The following PEX5L variants were observed in gnomAD, a reference collection of about 807,000 sequenced individuals.
PEX5L encodes the protein PEX5-related protein.
PEX5L carries 30 observed loss-of-function variants against 84.0 expected under a neutral mutation model. That is an observed-to-expected ratio of 0.36 (90% CI 0.27 to 0.48). The LOEUF (loss-of-function observed/expected upper bound fraction) is 0.48. Ranked by LOEUF, PEX5L falls within the 20% of genes least tolerant of loss-of-function variation. The pLI, the probability that PEX5L is intolerant of heterozygous loss-of-function variation, is 0.99. For synonymous variants in PEX5L, 270 were observed against 283.1 expected, an observed-to-expected ratio of 0.95 and a Z score of 0.46; for missense variants, 533 against 754.6, an observed-to-expected ratio of 0.71 and a Z score of 3.44.
At chr3:180,022,637 G>A (rs1790519998) in intron 1 of PEX5L, among the ~76,000 whole-genome samples, 1 of 152,096 alleles carries the variant, frequency 6.6e-6, no homozygotes, top group South Asian at 2.1e-4. Context: ...ATTTTGAGTG[G>A]GGATATTTCA....
chr3:179,941,180 GTTTAT>G (rs1349383246), intron 2 of PEX5L, among the ~76,000 whole-genome samples: 1 of 152,160 alleles, frequency 6.6e-6, no homozygotes, highest in African/African-American at 2.4e-5. Flanking sequence ...TTTAAAATTT[GTTTAT>G]TTTATTGTGT....
chr3:179,914,466 T>A (rs932313371), intron 2 of PEX5L, among the ~76,000 whole-genome samples: 1 of 151,848 alleles, frequency 6.6e-6, no homozygotes, highest in Non-Finnish European at 1.5e-5. Context: ...AATCACCACT[T>A]TTTTTTAATG....
intron 1 of PEX5L, among the ~76,000 whole-genome samples, chr3:180,020,495 T>C (rs1347485765): frequency 6.6e-6 from 1 of 152,150 alleles, no homozygotes; most frequent in Non-Finnish European, 1.5e-5. Flanking sequence ...TAAAGTTTAG[T>C]TTAGAATAAT....
chr3:179,964,345 C>G (rs548407784), intron 2 of PEX5L, among the ~76,000 whole-genome samples: 3 of 151,978 alleles, frequency 2.0e-5, no homozygotes, highest in Non-Finnish European at 4.4e-5. Context: ...TGTAAAAACC[C>G]GGGAAGATAA....
chr3:179,893,722 A>C (rs1758311935), intron 3 of PEX5L, among the ~76,000 whole-genome samples: 1 of 152,164 alleles, frequency 6.6e-6, no homozygotes, highest in Non-Finnish European at 1.5e-5. Flanking sequence ...TGGTACTTCA[A>C]TAATAATTTT....
intron 4 of PEX5L, among the ~76,000 whole-genome samples, chr3:179,884,300 G>A (rs1277841675): frequency 1.3e-5 from 2 of 152,174 alleles, no homozygotes; most frequent in Non-Finnish European, 2.9e-5. Context: ...GATGATCCCT[G>A]TGGGCCCAAT....
chr3:179,945,918 A>G (rs966211540), intron 2 of PEX5L, among the ~76,000 whole-genome samples: 1 of 152,166 alleles, frequency 6.6e-6, no homozygotes, highest in African/African-American at 2.4e-5. Flanking sequence ...AAATGGCATG[A>G]ATGTTATTTT....
chr3:179,994,053 G>A (rs1264239794), intron 1 of PEX5L, among the ~76,000 whole-genome samples: 4 of 152,250 alleles, frequency 2.6e-5, no homozygotes, highest in African/African-American at 9.6e-5. Flanking sequence ...CTGTAAATAT[G>A]TGTAGTTCCA....
chr3:179,991,374 G>C (rs141660102), intron 1 of PEX5L, among the ~76,000 whole-genome samples: 1,658 of 152,270 alleles, frequency 0.011, 14 homozygotes, highest in Admixed American at 0.019. Context: ...TTTTATAATA[G>C]CTGGATCCTC....
At chr3:179,999,791 G>A (rs1788225039) in intron 1 of PEX5L, among the ~76,000 whole-genome samples, 1 of 152,132 alleles carries the variant, frequency 6.6e-6, no homozygotes, top group Non-Finnish European at 1.5e-5. Context: ...TGTGGCAGTG[G>A]GCTCATGCTC....
intron 1 of PEX5L, among the ~76,000 whole-genome samples, chr3:180,026,672 C>T (rs1790985119): frequency 1.3e-5 from 2 of 152,136 alleles, no homozygotes; most frequent in Admixed American, 1.3e-4. Context: ...CTAGTTCTAC[C>T]ATATTCTCTT....
chr3:179,946,730 C>T (rs1349457330), intron 2 of PEX5L, among the ~76,000 whole-genome samples: 1 of 152,164 alleles, frequency 6.6e-6, no homozygotes, highest in Non-Finnish European at 1.5e-5. Flanking sequence ...CACATTATTC[C>T]AGTGTGCATC....
chr3:179,900,843 G>A (rs985304051), intron 2 of PEX5L: 4 of 694,212 alleles, frequency 5.8e-6, no homozygotes, highest in African/African-American at 5.3e-5. Flanking sequence ...TGTTTTACAA[G>A]TGCGGTACAG....
chr3:180,034,308 A>T (rs970430188), intron 1 of PEX5L, among the ~76,000 whole-genome samples: 26 of 152,322 alleles, frequency 1.7e-4, no homozygotes, highest in African/African-American at 4.8e-4. Flanking sequence ...GCTGGCAGAA[A>T]TGTTAGTAAA....
rs190534924 is a variant in PEX5L at position 180,021,142 on chromosome 3, T to G, written c.21+15437A>C. Among the ~76,000 whole-genome samples, 43 of 152,182 alleles carry G rather than the reference T, an allele frequency of 2.8e-4. 1 individual carries two copies. In the East Asian group the frequency reaches 7.5e-3, roughly 27 times the overall value. ...ATAGGAAGTGATACCTTCAGCTGGA[T>G]TTTGAAGGATAAGCAAGGATCGGCC... On this transcript the variant is annotated intron_variant, in intron 1 of 14. Coordinates refer to ENST00000467460, the MANE Select transcript of PEX5L (RefSeq NM_016559.3).
intron 14 of PEX5L, among the ~76,000 whole-genome samples, chr3:179,806,050 TG>T (rs1721180234): frequency 6.7e-6 from 1 of 150,362 alleles, no homozygotes; most frequent in Admixed American, 6.6e-5. Flanking sequence ...ATATTTCTTT[TG>T]TAAGAACAAT....
intron 14 of PEX5L, among the ~76,000 whole-genome samples, chr3:179,805,531 AT>A (rs79671759): frequency 0.23 from 34,903 of 152,086 alleles, 4,469 homozygotes; most frequent in African/African-American, 0.35. Flanking sequence ...GTCATACTAT[AT>A]TGTTTTTTAA....
chr3:180,004,540 C>T (rs1788701814), intron 1 of PEX5L, among the ~76,000 whole-genome samples: 1 of 152,062 alleles, frequency 6.6e-6, no homozygotes, highest in Admixed American at 6.6e-5. Flanking sequence ...AAACCCATAC[C>T]AAACAAAATG....
intron 1 of PEX5L, among the ~76,000 whole-genome samples, chr3:179,983,937 G>A (rs1187973878): frequency 6.6e-6 from 1 of 152,028 alleles, no homozygotes; most frequent in Non-Finnish European, 1.5e-5. Flanking sequence ...ACCAATCTCA[G>A]TGAACCAATA....
Sources: allele counts gnomAD v4.1 joint callset (sites outside exome capture counted in the v4.1 genomes callset), GRCh38; gene constraint gnomAD v4.1.1; transcripts MANE v1.5; gene names NCBI Gene and HGNC (gene_info 2026-07-23, HGNC 2026-07-21).